The following RERE variants were observed in gnomAD, a reference collection of about 807,000 sequenced individuals.
The protein encoded by RERE is arginine-glutamic acid dipeptide repeats protein.
A neutral mutation model predicts 146.1 loss-of-function variants in RERE; 40 were observed. The observed-to-expected ratio is 0.27, with a 90% CI of 0.21 to 0.36. RERE has a LOEUF of 0.36. Ranked by LOEUF, RERE falls within the 10% of genes least tolerant of loss-of-function variation. The pLI is 1.00. For missense variants in RERE, 1,933 were observed against 2,138.7 expected, an observed-to-expected ratio of 0.90 and a Z score of 1.90; for synonymous variants, 1,003 against 866.0, an observed-to-expected ratio of 1.16 and a Z score of -2.78.
In RERE at chr1:8,498,700, A is replaced by T. The variant is rs12736921; in HGVS notation, c.880-1171T>A. Among the ~76,000 whole-genome samples, 558 of 139,344 alleles carry T rather than the reference A, an allele frequency of 4.0e-3. 6 individuals are homozygous for T. Among genetic ancestry groups the T allele is most frequent in the Non-Finnish European group, 6.9e-3 (456 of 66,352 alleles). 91.4% of individuals were successfully genotyped at this position (139,344 alleles called of 152,430 possible). ...GACAGAGCAAGACTCCATCTCAAAA[A>T]AAAAAAAAATAAAAAAAAAAAAATA... is the stretch of plus-strand genomic sequence containing the variant. On this transcript the variant is annotated intron_variant, in intron 8 of 22. Coordinates refer to ENST00000400908, the MANE Select transcript of RERE (RefSeq NM_001042681.2).
At chr1:8,752,482 A>T (rs764787572) in intron 1 of RERE, among the ~76,000 whole-genome samples, 3 of 152,238 alleles carry the variant, frequency 2.0e-5, no homozygotes, top group Non-Finnish European at 4.4e-5. Context: ...TATCAAAATG[A>T]TAAACAATAG....
intron 1 of RERE, among the ~76,000 whole-genome samples, chr1:8,669,118 G>C (rs1169773272): frequency 6.8e-6 from 1 of 146,792 alleles, no homozygotes; most frequent in African/African-American, 2.5e-5. Context: ...ACCCAGGCTG[G>C]AGTGCAGTGG....
intron 1 of RERE, among the ~76,000 whole-genome samples, chr1:8,702,749 T>C (rs1639479789): frequency 6.6e-6 from 1 of 152,218 alleles, no homozygotes; most frequent in South Asian, 2.1e-4. Context: ...TATACATGTA[T>C]TTTTAAATAG....
intron 12 of RERE, among the ~76,000 whole-genome samples, chr1:8,396,578 A>G (rs1358725999): frequency 6.6e-6 from 1 of 152,204 alleles, no homozygotes; most frequent in Non-Finnish European, 1.5e-5. Flanking sequence ...AATCAAGTTT[A>G]ATTTTAACAG....
chr1:8,790,105 T>C (rs1641336549), intron 1 of RERE, among the ~76,000 whole-genome samples: 1 of 152,230 alleles, frequency 6.6e-6, no homozygotes, highest in Admixed American at 6.5e-5. Flanking sequence ...ACCTGTTGGC[T>C]AGCTGACAGA....
At chr1:8,782,241 A>G (rs1030322115) in intron 1 of RERE, among the ~76,000 whole-genome samples, 3 of 151,848 alleles carry the variant, frequency 2.0e-5, no homozygotes, top group Non-Finnish European at 4.4e-5. Context: ...TTTTTGACAC[A>G]CTTCATCTAC....
At chr1:8,366,905 A>G (rs78275441) in intron 12 of RERE, among the ~76,000 whole-genome samples, 1 of 115,316 alleles carries the variant, frequency 8.7e-6, no homozygotes, top group South Asian at 2.9e-4. Context: ...CCTAGAACTG[A>G]AAAAAAAAAA....
At chr1:8,452,015 C>A (rs1158284363) in intron 11 of RERE, among the ~76,000 whole-genome samples, 1 of 152,200 alleles carries the variant, frequency 6.6e-6, no homozygotes, top group Non-Finnish European at 1.5e-5. Flanking sequence ...ACATCCTCCC[C>A]CACCCATAAG....
chr1:8,364,311 T>TG lies in RERE; in HGVS notation c.1541-57dup. ...TGGAAACCATCCCTCTCCCTGGGGA[T>TG]GTCTGGGCAGAGGGGCCCTTCTGTG... On this transcript the variant is annotated intron_variant, in intron 14 of 22. Coordinates refer to ENST00000400908, the MANE Select transcript of RERE (RefSeq NM_001042681.2). The surrounding 1 kb of genome is among the most constrained non-coding windows in gnomAD (Gnocchi z 5.1). 3 of 1,531,530 alleles carry TG rather than the reference T, an allele frequency of 2.0e-6. No homozygotes were observed. The South Asian group carries it at 3.4e-5, about 17-fold the overall frequency. 94.9% of individuals were successfully genotyped at this position (1,531,530 alleles called of 1,614,324 possible). A position where few individuals can be genotyped will look rare whatever the true frequency, so the allele number is the denominator to read the frequency against.
intron 11 of RERE, among the ~76,000 whole-genome samples, chr1:8,461,962 A>G (rs1436168461): frequency 6.6e-6 from 1 of 152,090 alleles, no homozygotes; most frequent in Admixed American, 6.6e-5. Context: ...CTCCAACCTC[A>G]GCCTCCCAAG....
At chr1:8,539,072 G>T (rs1645764221) in intron 7 of RERE, among the ~76,000 whole-genome samples, 1 of 152,216 alleles carries the variant, frequency 6.6e-6, no homozygotes, top group African/African-American at 2.4e-5. Flanking sequence ...CCTGAGAGTT[G>T]AAGAGTTAAA....
chr1:8,789,228 T>C (rs1421842598), intron 1 of RERE, among the ~76,000 whole-genome samples: 6 of 140,526 alleles, frequency 4.3e-5, no homozygotes, highest in African/African-American at 1.6e-4. Context: ...GAGGGTTGCT[T>C]GATCCCAGGA....
intron 1 of RERE, among the ~76,000 whole-genome samples, chr1:8,760,938 A>AC (rs765831125): frequency 1.1e-4 from 16 of 151,968 alleles, no homozygotes; most frequent in Non-Finnish European, 1.9e-4. Flanking sequence ...ACTAATGTAT[A>AC]AACAACCCTA....
chr1:8,722,183 T>C (rs1199264612), intron 1 of RERE, among the ~76,000 whole-genome samples: 2 of 152,234 alleles, frequency 1.3e-5, no homozygotes, highest in African/African-American at 2.4e-5. Flanking sequence ...TTTGTTGTAA[T>C]TGTGTCTTCT....
intron 1 of RERE, among the ~76,000 whole-genome samples, chr1:8,787,312 C>T (rs1004030004): frequency 2.6e-5 from 4 of 152,180 alleles, no homozygotes; most frequent in South Asian, 2.1e-4. Flanking sequence ...GAAGCCATCC[C>T]TAAATAACCT....
At chr1:8,397,608 T>C (rs1643099244) in intron 12 of RERE, among the ~76,000 whole-genome samples, 1 of 150,622 alleles carries the variant, frequency 6.6e-6, no homozygotes, top group Non-Finnish European at 1.5e-5. Context: ...AAAAAACACA[T>C]GAAACTGTCA....
At chr1:8,492,189 T>G (rs940675917) in intron 10 of RERE, among the ~76,000 whole-genome samples, 1 of 152,038 alleles carries the variant, frequency 6.6e-6, no homozygotes, top group African/African-American at 2.4e-5. Flanking sequence ...AAATGAAAAA[T>G]TGTACAACAA....
intron 11 of RERE, among the ~76,000 whole-genome samples, chr1:8,461,502 C>A (rs1462751433): frequency 1.3e-5 from 2 of 152,166 alleles, no homozygotes; most frequent in Non-Finnish European, 2.9e-5. Flanking sequence ...GTGTTGCTCA[C>A]AGACACTCGG....
intron 1 of RERE, among the ~76,000 whole-genome samples, chr1:8,746,663 C>T (rs553526804): frequency 4.0e-5 from 6 of 151,762 alleles, no homozygotes; most frequent in Admixed American, 6.6e-5. Flanking sequence ...TACTGACATA[C>T]GAGTCATGAT....
Sources: allele counts gnomAD v4.1 joint callset (sites outside exome capture counted in the v4.1 genomes callset), GRCh38; gene constraint gnomAD v4.1.1; non-coding constraint Gnocchi (gnomAD v3.1); transcripts MANE v1.5; gene names NCBI Gene and HGNC (gene_info 2026-07-23, HGNC 2026-07-21).